The following DNASE2B variants were observed in gnomAD, a reference collection of about 807,000 sequenced individuals.
DNASE2B encodes deoxyribonuclease-2-beta.
A neutral mutation model predicts 46.0 loss-of-function variants in DNASE2B; 43 were observed. The ratio of observed to expected loss-of-function variants is 0.94; its 90% CI spans 0.73 to 1.21. The LOEUF is 1.21. Among genes scored for constraint, DNASE2B ranks in the 50% most tolerant of loss-of-function variants. The pLI, the probability that DNASE2B is intolerant of heterozygous loss-of-function variation, is 0.00. For synonymous variants in DNASE2B, 156 were observed against 152.5 expected (o/e 1.02, Z -0.17); for missense variants, 395 against 414.4 (o/e 0.95, Z 0.41).
Position 84,401,752 on chromosome 1 carries a change from A to G in DNASE2B, c.126-149A>G, listed in dbSNP as rs1220131567. The G allele has an allele frequency of 6.5e-5, 37 of 569,912 alleles. No homozygotes were observed. In the East Asian group the frequency reaches 1.3e-3, roughly 20 times the overall value. The allele number at this position is 569,912 out of a possible 1,614,324, so 35.3% of individuals were successfully genotyped here. ...TGGGGAGGAGCAAAGATAAGAGTGA[A>G]GAAAGAGGCAAAGAGCTTGAGCAAA... On this transcript the variant is annotated intron_variant, in intron 1 of 5. Transcript: ENST00000370665.
At position 84,398,518 on chromosome 1, in the gene DNASE2B, A is replaced by ATC; in HGVS notation, c.-47_-46insTC. 1 of 1,606,506 alleles carries ATC rather than the reference A, an allele frequency of 6.2e-7. No individual in the cohort carries two copies. The highest frequency in any genetic ancestry group is 8.5e-7 in the Non-Finnish European group (1 of 1,175,222). ...ACAGCCTGAGAGCGCCTTGAAACTC[A>ATC]GACTCCACAATCTATGGGGAAAGTG... On this transcript the variant is annotated 5_prime_UTR_variant, in exon 1 of 6. Transcript: ENST00000370665.
chr1:84,414,572 T>G lies in DNASE2B; in HGVS notation c.790T>G (p.Leu264Val). 1 of 1,614,024 alleles carries G rather than the reference T, an allele frequency of 6.2e-7. No homozygotes were observed. The highest frequency in any genetic ancestry group is 8.5e-7 in the Non-Finnish European group (1 of 1,179,958). ...GGCTCAACGGCTGAAGACACACTTGTTAACAGAAACCTGGCAGCGAAAAAG... is the reference window on the plus strand; with the variant it reads ...GGCTCAACGGCTGAAGACACACTTGGTAACAGAAACCTGGCAGCGAAAAAG... ...WMAQRLKTHL[L>V]TETWQRKRQE... The change falls in exon 6 of 6, where the codon TTA (leucine) becomes GTA (valine). Residue 264 changes from leucine (L) to valine (V), a missense_variant. By Grantham distance (32) the Leu-to-Val change is conservative (BLOSUM62 1). Transcript: ENST00000370665.
At chr1:84,403,667 T>C (rs1032841677) in intron 2 of DNASE2B, among the ~76,000 whole-genome samples, 44 of 152,174 alleles carry the variant, frequency 2.9e-4, no homozygotes, top group African/African-American at 1.0e-3. Context: ...TTCTATCTAT[T>C]TGCTTTTTCA....
chr1:84,414,591 G>T lies in DNASE2B; in HGVS notation c.809G>T (p.Arg270Leu). ...KTHLLTETWQ[R>L]KRQELPSNCS... The stretch of plus-strand genomic sequence containing the variant: ...CACTTGTTAACAGAAACCTGGCAGC[G>T]AAAAAGACAAGAGCTTCCTTCAAAC... The change falls in exon 6 of 6, where the codon CGA (arginine) becomes CTA (leucine). Residue 270 changes from arginine to leucine, a missense_variant. Physicochemically the swap from Arg to Leu is moderately radical, Grantham distance 102 (BLOSUM62 -2). Coordinates refer to ENST00000370665, the MANE Select transcript of DNASE2B (RefSeq NM_021233.3). 6.2e-7 allele frequency: 1 copy of T among 1,614,030 alleles called. No individual in the cohort carries two copies. The highest frequency in any genetic ancestry group is 8.5e-7 in the Non-Finnish European group (1 of 1,179,988).
intron 3 of DNASE2B, 53 bp from the exon 4 acceptor site, chr1:84,410,785 A>G: frequency 6.4e-7 from 1 of 1,562,216 alleles, no homozygotes; most frequent in Non-Finnish European, 8.7e-7. Context: ...GAACCCTATT[A>G]TAAAAGAAGC....
chr1:84,409,764 T>C (rs1680556732), intron 3 of DNASE2B, among the ~76,000 whole-genome samples: 3 of 152,178 alleles, frequency 2.0e-5, no homozygotes, highest in African/African-American at 7.2e-5. Context: ...TCTAAAGAAG[T>C]AGGGCACAAT....
At chr1:84,408,385 G>A in intron 2 of DNASE2B, 52 bp from the exon 3 acceptor site, 1 of 1,552,074 alleles carries the variant, frequency 6.4e-7, no homozygotes, top group Non-Finnish European at 8.7e-7. Context: ...AATGTTGTGG[G>A]CGTTTGTAAG....
rs185229507 is a variant in DNASE2B, at chr1:84,401,850, C to T, written c.126-51C>T. On this transcript the variant is annotated intron_variant, in intron 1 of 5. Coordinates refer to ENST00000370665, the MANE Select transcript of DNASE2B (RefSeq NM_021233.3). ...AAAGTGTGTAATACAGTTACTGCCACAGGAAAACAGTCAATAAATGTTAGT... is the reference window on the plus strand; with the variant it reads ...AAAGTGTGTAATACAGTTACTGCCATAGGAAAACAGTCAATAAATGTTAGT... The T allele has an allele frequency of 2.2e-6, 3 of 1,350,112 alleles. No homozygotes were observed. In the Admixed American group the frequency reaches 1.0e-4, roughly 45 times the overall value. 83.6% of individuals were successfully genotyped at this position (1,350,112 alleles called of 1,614,324 possible). A position where few individuals can be genotyped will look rare whatever the true frequency, so the allele number is the denominator to read the frequency against.
intron 5 of DNASE2B, among the ~76,000 whole-genome samples, chr1:84,412,995 C>G (rs116012331): frequency 0.011 from 1,603 of 145,004 alleles, 19 homozygotes; most frequent in Middle Eastern, 0.036. Context: ...GTTCTCCTTC[C>G]TTTTTGCAGG....
intron 2 of DNASE2B, among the ~76,000 whole-genome samples, chr1:84,404,114 G>A (rs1195816985): frequency 6.6e-6 from 1 of 152,040 alleles, no homozygotes; most frequent in African/African-American, 2.4e-5. Flanking sequence ...CCTAAAAGCA[G>A]CCTTGAATGA....
At chr1:84,411,087 T>C (rs1295486139) in intron 4 of DNASE2B, 88 bp downstream of exon 4, 1 of 1,427,950 alleles carries the variant, frequency 7.0e-7, no homozygotes, top group African/African-American at 1.4e-5. Flanking sequence ...ACTTCATTTG[T>C]TAATCTATTC....
Position 84,398,680 on chromosome 1 carries a change from C to T in DNASE2B, c.116C>T (p.Ala39Val). The T allele has an allele frequency of 6.2e-7, 1 of 1,613,782 alleles. No individual in the cohort carries two copies. The highest frequency in any genetic ancestry group is 1.1e-5 in the South Asian group (1 of 91,062). The change falls in exon 1 of 6, where the codon GCT (alanine) becomes GTT (valine). Residue 39 changes from alanine to valine, a missense_variant. Physicochemically the swap from Ala to Val is moderately conservative, Grantham distance 64. Coordinates refer to ENST00000370665, the MANE Select transcript of DNASE2B (RefSeq NM_021233.3). ...TCATGCAGAAATGAAGAAGGGAAAG[C>T]TGTGGACTGGTAGGTAAATGAAATG... is the stretch of plus-strand genomic sequence containing the variant. ...TISCRNEEGK[A>V]VDWFTFYKLP...
At chr1:84,406,566 C>T (rs1680493987) in intron 2 of DNASE2B, among the ~76,000 whole-genome samples, 1 of 152,124 alleles carries the variant, frequency 6.6e-6, no homozygotes, top group African/African-American at 2.4e-5. Context: ...TATTTCTTAC[C>T]TTTAGTAAAA....
intron 2 of DNASE2B, among the ~76,000 whole-genome samples, chr1:84,405,129 A>C (rs1323093472): frequency 6.7e-6 from 1 of 148,918 alleles, no homozygotes; most frequent in African/African-American, 2.5e-5. Context: ...TTTTTTTTTT[A>C]GGCCAAACCT....
rs764483334 is a variant in DNASE2B at position 84,412,466 on chromosome 1, C to CT, written c.666dup (p.Gly223TrpfsTer26). Reference sequence around the variant, plus strand: ...ACCAGGGCCAGCTCATCAGAGATTCCTGGCAGGCTCCTCACCACACTTCAG... The same window carrying CT: ...ACCAGGGCCAGCTCATCAGAGATTCCTTGGCAGGCTCCTCACCACACTTCAG... On this transcript the variant is annotated frameshift_variant, in exon 5 of 6. Coordinates refer to ENST00000370665, the MANE Select transcript of DNASE2B (RefSeq NM_021233.3). LOFTEE classifies it high-confidence loss of function. 7 of 1,613,966 alleles carry CT rather than the reference C, an allele frequency of 4.3e-6. No homozygotes were observed. Among genetic ancestry groups the CT allele is most frequent in the Non-Finnish European group, 5.9e-6 (7 of 1,179,918 alleles).
chr1:84,403,252 C>T (rs1179634822), intron 2 of DNASE2B, among the ~76,000 whole-genome samples: 1 of 152,108 alleles, frequency 6.6e-6, no homozygotes, highest in Non-Finnish European at 1.5e-5. Flanking sequence ...TTTTGACTTC[C>T]TAAAAATTTA....
chr1:84,408,658 A>G, intron 3 of DNASE2B, 140 bp downstream of exon 3: 1 of 585,504 alleles, frequency 1.7e-6, no homozygotes. Flanking sequence ...GAAATGTATG[A>G]CTTCTATATC....
intron 1 of DNASE2B, among the ~76,000 whole-genome samples, chr1:84,399,776 G>C (rs569977771): frequency 6.6e-6 from 1 of 152,298 alleles, no homozygotes; most frequent in South Asian, 2.1e-4. Flanking sequence ...CAAGGGGTCT[G>C]TGTGCTGAGC....
At chr1:84,411,544 T>A (rs1299141428) in intron 4 of DNASE2B, among the ~76,000 whole-genome samples, 2 of 151,886 alleles carry the variant, frequency 1.3e-5, no homozygotes, top group South Asian at 2.1e-4. Context: ...CTTAATTTTG[T>A]TTTTGAAGTT....
Sources: allele counts gnomAD v4.1 joint callset (sites outside exome capture counted in the v4.1 genomes callset), GRCh38; gene constraint gnomAD v4.1.1; transcripts MANE v1.5; gene names NCBI Gene and HGNC (gene_info 2026-07-23, HGNC 2026-07-21).